The following FN1 variants were observed in gnomAD, a reference collection of about 807,000 sequenced individuals.
The protein encoded by FN1 is fibronectin.
A neutral mutation model predicts 297.3 loss-of-function variants in FN1; 106 were observed. That is an observed-to-expected ratio of 0.36 (90% CI 0.30 to 0.42). The LOEUF is 0.42. Ranked by LOEUF, FN1 falls within the 10% of genes least tolerant of loss-of-function variation. FN1 has a pLI of 1.00. For missense variants in FN1, 2,690 were observed against 3,124.9 expected, an observed-to-expected ratio of 0.86 and a Z score of 3.32; for synonymous variants, 1,149 against 1,152.6, an observed-to-expected ratio of 1.00 and a Z score of 0.06.
In FN1 at chr2:215,407,284, G is replaced by T; in HGVS notation, c.2556C>A (p.Ser852Arg). The change falls in exon 18 of 46, where the codon AGC becomes AGA. Residue 852 changes from serine (S) to arginine (R), a missense_variant. By Grantham distance (110) the Ser-to-Arg change is moderately radical. Coordinates refer to ENST00000354785, the MANE Select transcript of FN1 (RefSeq NM_212482.4). The part of the protein sequence containing the change: ...RIVYSPSVEG[S>R]STELNLPETA... ...TTTCAGGAAGGTTGAGTTCTGTGCT[G>T]CTACCTTCTACTGATGGCGAATAGA... 6.2e-7 allele frequency: 1 copy of T among 1,614,138 alleles called. No homozygotes were observed. Among genetic ancestry groups the T allele is most frequent in the Non-Finnish European group, 8.5e-7 (1 of 1,180,000 alleles).
intron 3 of FN1, 85 bp from the exon 4 acceptor site, chr2:215,432,049 AG>A: frequency 1.3e-6 from 2 of 1,549,214 alleles, no homozygotes; most frequent in Non-Finnish European, 1.8e-6. Flanking sequence ...GTAGGTACTT[AG>A]GTTGGCTAAA....
In FN1 at chr2:215,379,105, C is replaced by G. The variant is rs1314993515; in HGVS notation, c.5622+25G>C. 4 of 1,603,758 alleles carry G rather than the reference C, an allele frequency of 2.5e-6. No individual in the cohort carries two copies. In the Admixed American group the frequency reaches 5.0e-5, roughly 20 times the overall value. ...GTTAGAGATGATCTCCATCTTTATT[C>G]CAATGAACAACGGTCATGTCTTACC... On this transcript the variant is annotated intron_variant, in intron 34 of 45. Transcript: ENST00000354785.
chr2:215,370,225 C>T, intron 41 of FN1, 69 bp downstream of exon 41: 3 of 1,508,408 alleles, frequency 2.0e-6, no homozygotes, highest in Middle Eastern at 1.7e-4. Context: ...AAGGTACAGT[C>T]AACAGAAAAG....
Position 215,361,166 on chromosome 2 carries a change from CTT to C in FN1, c.*387_*388del, listed in dbSNP as rs1047274805. On this transcript the variant is annotated 3_prime_UTR_variant, in exon 46 of 46. Transcript: ENST00000354785. ...TTCCTACAGTATTGCGGGCCAGACA[CTT>C]AAGTGAAAGCAGAAGTGTTTGGGTG... is the stretch of plus-strand genomic sequence containing the variant. 113 of 239,912 alleles carry C rather than the reference CTT, an allele frequency of 4.7e-4. 6 individuals carry two copies. The highest frequency in any genetic ancestry group is 5.0e-5 in the Non-Finnish European group (6 of 120,780). 14.9% of individuals were successfully genotyped at this position (239,912 alleles called of 1,614,324 possible). A position where few individuals can be genotyped will look rare whatever the true frequency, so the allele number is the denominator to read the frequency against.
intron 20 of FN1, among the ~76,000 whole-genome samples, chr2:215,401,169 A>G (rs74464926): frequency 7.9e-5 from 10 of 127,210 alleles, no homozygotes; most frequent in Admixed American, 1.6e-4. Context: ...GAAAGAAAGA[A>G]AGAGAGAGAG....
chr2:215,429,710 AC>A (rs779776512), intron 5 of FN1, among the ~76,000 whole-genome samples: 7 of 151,946 alleles, frequency 4.6e-5, no homozygotes, highest in Non-Finnish European at 8.8e-5. Flanking sequence ...CATCTCCCTG[AC>A]CCCCTAAGTA....
intron 26 of FN1, among the ~76,000 whole-genome samples, chr2:215,389,038 GA>G (rs2059382358): frequency 1.3e-5 from 1 of 74,936 alleles, no homozygotes; most frequent in African/African-American, 3.0e-5. Flanking sequence ...ATATTAAAAT[GA>G]GAGCAGAATA....
intron 3 of FN1, 73 bp downstream of exon 3, chr2:215,433,251 A>G: frequency 6.3e-7 from 1 of 1,580,652 alleles, no homozygotes. Context: ...TGGATAACAG[A>G]AAATGACAGT....
intron 6 of FN1, 26 bp from the exon 7 acceptor site, chr2:215,425,311 C>T (rs758084338): frequency 8.1e-6 from 13 of 1,609,828 alleles, no homozygotes; most frequent in African/African-American, 1.3e-5. Flanking sequence ...GGGAATGTCA[C>T]AAAACTGGGT....
At chr2:215,362,148 G>GAGTT (rs1373873181) in intron 44 of FN1, 69 bp from the exon 45 acceptor site, 18 of 1,212,886 alleles carry the variant, frequency 1.5e-5, no homozygotes, top group Non-Finnish European at 2.2e-5. Flanking sequence ...TTTAGTGTTT[G>GAGTT]AGTTAAAGAA....
chr2:215,418,013 A>C (rs2063681766), intron 12 of FN1, among the ~76,000 whole-genome samples: 2 of 152,164 alleles, frequency 1.3e-5, no homozygotes, highest in African/African-American at 4.8e-5. Flanking sequence ...GCATCATATA[A>C]ACAAACAAAC....
Position 215,381,302 on chromosome 2 carries a change from G to A in FN1, c.5165-222C>T, listed in dbSNP as rs545410988. ...TAAAACATAGGTGTATGTGAGATAAGCAGATACCCTGCAAAATGTCCCCAC... is the reference window on the plus strand; with the variant it reads ...TAAAACATAGGTGTATGTGAGATAAACAGATACCCTGCAAAATGTCCCCAC... On this transcript the variant is annotated intron_variant, in intron 32 of 45. Coordinates refer to ENST00000354785, the MANE Select transcript of FN1 (RefSeq NM_212482.4). 19 of 578,028 alleles carry A rather than the reference G, an allele frequency of 3.3e-5. No homozygotes were observed. The East Asian group carries it at 4.7e-4, about 14-fold the overall frequency. 35.8% of individuals were successfully genotyped at this position (578,028 alleles called of 1,614,324 possible). A position where few individuals can be genotyped will look rare whatever the true frequency, so the allele number is the denominator to read the frequency against.
At chr2:215,407,503 A>T (rs1224049653) in intron 17 of FN1, among the ~76,000 whole-genome samples, 182 bp from the exon 18 acceptor site, 1 of 152,234 alleles carries the variant, frequency 6.6e-6, no homozygotes, top group African/African-American at 2.4e-5. Flanking sequence ...CAGCACGAAG[A>T]TAAAATAAGA....
chr2:215,396,101 C>G (rs1392180965), intron 23 of FN1, among the ~76,000 whole-genome samples: 3 of 152,194 alleles, frequency 2.0e-5, no homozygotes, highest in Non-Finnish European at 4.4e-5. Context: ...AGCCTTAGCT[C>G]TGTGCCCCGG....
chr2:215,406,457 C>A lies in FN1; in HGVS notation c.2767G>T (p.Val923Phe), dbSNP rs1282877237. Residue 923 changes from valine (V) to phenylalanine (F), a missense_variant, in exon 19 of 46, where the codon GTC becomes TTC. By Grantham distance (50) the Val-to-Phe change is conservative. Coordinates refer to ENST00000354785, the MANE Select transcript of FN1 (RefSeq NM_212482.4). ...TCAGGCGGTGTCCACATGATGGTGACCTTCACGTCTGTCACTTCCACAAAC... is the reference window on the plus strand; with the variant it reads ...TCAGGCGGTGTCCACATGATGGTGAACTTCACGTCTGTCACTTCCACAAAC... ...LQFVEVTDVK[V>F]TIMWTPPESA... The A allele has an allele frequency of 1.9e-6, 3 of 1,614,026 alleles. No homozygotes were observed. The Admixed American group carries it at 5.0e-5, about 27-fold the overall frequency.
At chr2:215,412,950 G>A (rs990143311) in intron 13 of FN1, among the ~76,000 whole-genome samples, 16 of 151,656 alleles carry the variant, frequency 1.1e-4, no homozygotes, top group African/African-American at 3.2e-4. Flanking sequence ...TAGACCGATC[G>A]CATCATGCAT....
chr2:215,376,443 G>A (rs773646662), intron 36 of FN1, 55 bp downstream of exon 36: 20 of 1,501,760 alleles, frequency 1.3e-5, no homozygotes, highest in East Asian at 2.3e-5. Flanking sequence ...TAATAAGCCC[G>A]TTTACATTGT....
At chr2:215,419,448 A>G in intron 11 of FN1, 63 bp from the exon 12 acceptor site, 2 of 1,344,512 alleles carry the variant, frequency 1.5e-6, no homozygotes, top group South Asian at 2.3e-5. Context: ...ATTTAATTTC[A>G]GGGTGCTAGA....
rs190365611 is a variant in FN1, at chr2:215,395,836, C to T, written c.3605-1117G>A. On this transcript the variant is annotated intron_variant, in intron 23 of 45. Transcript: ENST00000354785. Reference sequence around the variant, plus strand: ...TGAGATCATTACACTTGCTAGTGGTCATCCATATGTGTGGGCTGGGCCATT... The same window carrying T: ...TGAGATCATTACACTTGCTAGTGGTTATCCATATGTGTGGGCTGGGCCATT... Among the ~76,000 whole-genome samples, 116 of 152,296 alleles carry T rather than the reference C, an allele frequency of 7.6e-4. No individual in the cohort carries two copies. The South Asian group carries it at 0.019, about 25-fold the overall frequency.
Sources: gnomAD v4.1 joint callset for allele counts (sites outside exome capture counted in the v4.1 genomes callset) on GRCh38, gnomAD v4.1.1 for gene constraint, MANE v1.5 for transcripts, NCBI Gene and HGNC (gene_info 2026-07-23, HGNC 2026-07-21) for gene names.